ARL15: variants seen among roughly 807,000 people sequenced by gnomAD.
ARL15 encodes the protein ARF like GTPase 15, also known as ADP-ribosylation factor-like protein 15.
A neutral mutation model predicts 25.2 loss-of-function variants in ARL15; 19 were observed. The observed-to-expected ratio is 0.75, with a 90% CI of 0.53 to 1.10. The LOEUF (loss-of-function observed/expected upper bound fraction) is 1.10, where lower values mean the gene tolerates loss of function less well. ARL15 is among the 50% of genes least tolerant of loss of function. ARL15 has a pLI of 0.00. For missense variants in ARL15, 220 were observed against 246.0 expected (o/e 0.89, Z 0.71); for synonymous variants, 94 against 86.8 (o/e 1.08, Z -0.46).
At chr5:54,037,935 C>G (rs1295497960) in intron 4 of ARL15, among the ~76,000 whole-genome samples, 1 of 152,078 alleles carries the variant, frequency 6.6e-6, no homozygotes, top group Non-Finnish European at 1.5e-5. Context: ...CCTTTCATCA[C>G]AGTATTAGAT....
chr5:54,222,673 G>C (rs571721920), intron 1 of ARL15, among the ~76,000 whole-genome samples: 1 of 152,142 alleles, frequency 6.6e-6, no homozygotes. Context: ...TTCCACTCTC[G>C]GGTTCTCTTG....
chr5:53,913,711 A>G lies in ARL15; in HGVS notation c.463-26998T>C, dbSNP rs1580074164. On this transcript the variant is annotated intron_variant, in intron 4 of 4. Coordinates refer to ENST00000504924, the MANE Select transcript of ARL15 (RefSeq NM_019087.3). ...TCAGAATAGTACCTGGCACTATTCT[A>G]CTACTACTATGACCTCAACTAAATT... Among the ~76,000 whole-genome samples the G allele has an allele frequency of 2.0e-5, 3 of 152,310 alleles. No individual in the cohort carries two copies. The East Asian group carries it at 5.8e-4, about 29-fold the overall frequency.
At chr5:54,117,775 C>T (rs925786881) in intron 3 of ARL15, among the ~76,000 whole-genome samples, 1 of 152,122 alleles carries the variant, frequency 6.6e-6, no homozygotes, top group Non-Finnish European at 1.5e-5. Flanking sequence ...GTTTGATAGA[C>T]ATTTTCTCAA....
At chr5:54,157,148 A>G (rs1216835285) in intron 2 of ARL15, among the ~76,000 whole-genome samples, 1 of 152,226 alleles carries the variant, frequency 6.6e-6, no homozygotes, top group African/African-American at 2.4e-5. Flanking sequence ...CAACTTTGAA[A>G]AGGAAATGGT....
At chr5:54,001,267 C>T (rs986877896) in intron 4 of ARL15, among the ~76,000 whole-genome samples, 3 of 152,082 alleles carry the variant, frequency 2.0e-5, no homozygotes, top group Non-Finnish European at 4.4e-5. Context: ...TTATACACAC[C>T]TTTGAGGGGA....
intron 4 of ARL15, among the ~76,000 whole-genome samples, chr5:53,889,014 A>G (rs925232875): frequency 6.6e-6 from 1 of 152,206 alleles, no homozygotes; most frequent in Non-Finnish European, 1.5e-5. Context: ...TCCAAAATCT[A>G]GTACATAAAG....
intron 4 of ARL15, among the ~76,000 whole-genome samples, chr5:54,092,070 A>ACACACACACACACACACACACACACAC (rs746618758): frequency 1.3e-5 from 2 of 151,460 alleles, no homozygotes; most frequent in Non-Finnish European, 2.9e-5. Context: ...ACACACACAC[A>ACACACACACACACACACACACACACAC]CACCACCACC....
At chr5:54,119,283 T>C (rs1448213867) in intron 3 of ARL15, among the ~76,000 whole-genome samples, 2 of 152,172 alleles carry the variant, frequency 1.3e-5, no homozygotes, top group Admixed American at 6.6e-5. Context: ...AATGGGTTCA[T>C]TTGAGGAGTT....
chr5:54,091,074 C>T (rs1752113134), intron 4 of ARL15, among the ~76,000 whole-genome samples: 1 of 152,120 alleles, frequency 6.6e-6, no homozygotes, highest in Non-Finnish European at 1.5e-5. Flanking sequence ...TTTCACTTTT[C>T]TTCAATTATT....
At chr5:54,005,546 G>C (rs1189986276) in intron 4 of ARL15, among the ~76,000 whole-genome samples, 2 of 151,788 alleles carry the variant, frequency 1.3e-5, no homozygotes, top group Non-Finnish European at 2.9e-5. Flanking sequence ...CCTGGCCAAC[G>C]TGGTGAAACT....
chr5:53,888,822 A>G (rs1433900738), intron 4 of ARL15, among the ~76,000 whole-genome samples: 1 of 152,108 alleles, frequency 6.6e-6, no homozygotes, highest in Non-Finnish European at 1.5e-5. Flanking sequence ...GGCTAAGTCC[A>G]CCCTTAGAAG....
intron 1 of ARL15, among the ~76,000 whole-genome samples, chr5:54,271,988 G>A (rs180935145): frequency 1.3e-4 from 19 of 150,380 alleles, no homozygotes; most frequent in Non-Finnish European, 2.5e-4. Context: ...CTGTTGCTCC[G>A]GCTGGAATGC....
In ARL15 at chr5:54,294,899, A is replaced by G. The variant is rs192198450; in HGVS notation, c.48+15533T>C. Among the ~76,000 whole-genome samples, 1,437 of 152,344 alleles carry G rather than the reference A, an allele frequency of 9.4e-3. 13 individuals are homozygous for G. Among genetic ancestry groups the G allele is most frequent in the Non-Finnish European group, 0.016 (1,074 of 68,026 alleles). ...AAGCACTCTGGATTTGGGGAAATAGAAAAGAACTGCTTTAAGACAGATGAG... is the reference window on the plus strand; with the variant it reads ...AAGCACTCTGGATTTGGGGAAATAGGAAAGAACTGCTTTAAGACAGATGAG... On this transcript the variant is annotated intron_variant, in intron 1 of 4. Transcript: ENST00000504924.
At chr5:54,305,460 C>CA (rs762405118) in intron 1 of ARL15, among the ~76,000 whole-genome samples, 96 of 148,768 alleles carry the variant, frequency 6.5e-4, no homozygotes, top group African/African-American at 1.7e-3. Context: ...AACTCTGTCA[C>CA]AAAAAAAAAA....
At chr5:53,969,396 C>T (rs1747665808) in intron 4 of ARL15, among the ~76,000 whole-genome samples, 1 of 152,118 alleles carries the variant, frequency 6.6e-6, no homozygotes, top group Admixed American at 6.5e-5. Context: ...CAACTACTTT[C>T]CTCTTAATGT....
chr5:54,015,312 C>T lies in ARL15; in HGVS notation c.462+97890G>A, dbSNP rs551546420. 4.0e-5 allele frequency among the ~76,000 whole-genome samples: 6 copies of T among 148,518 alleles called. No homozygotes were observed. In the East Asian group the frequency reaches 1.2e-3, roughly 29 times the overall value. On this transcript the variant is annotated intron_variant, in intron 4 of 4. Transcript: ENST00000504924. ...CATCTCAAAAAAAAAAAAACAAAAA[C>T]AAAAACAAACAAACAAACAAACAAA...
intron 4 of ARL15, among the ~76,000 whole-genome samples, chr5:54,044,888 AT>A (rs1750458890): frequency 1.3e-5 from 2 of 152,284 alleles, no homozygotes; most frequent in South Asian, 4.1e-4. Flanking sequence ...GTGTAAGGCA[AT>A]TTTGGATTTA....
At chr5:54,047,053 G>T (rs1750544562) in intron 4 of ARL15, among the ~76,000 whole-genome samples, 2 of 152,322 alleles carry the variant, frequency 1.3e-5, no homozygotes, top group East Asian at 3.9e-4. Context: ...GGGTCAGTGA[G>T]TTGAAGAGAC....
rs13356599 is a variant in ARL15, at chr5:54,277,516, C to T, written c.48+32916G>A. Reference sequence around the variant, plus strand: ...CCTGTAATCCCAGCACTTTGGGAGGCCGAGGCGGGCGGATCACGAGGTCAG... The same window carrying T: ...CCTGTAATCCCAGCACTTTGGGAGGTCGAGGCGGGCGGATCACGAGGTCAG... On this transcript the variant is annotated intron_variant, in intron 1 of 4. Coordinates refer to ENST00000504924, the MANE Select transcript of ARL15 (RefSeq NM_019087.3). Among the ~76,000 whole-genome samples the T allele has an allele frequency of 4.0e-3, 602 of 152,276 alleles. 6 individuals carry two copies. The highest frequency in any genetic ancestry group is 0.014 in the African/African-American group (569 of 41,554).
Sources: gnomAD v4.1 joint callset for allele counts (sites outside exome capture counted in the v4.1 genomes callset) on GRCh38, gnomAD v4.1.1 for gene constraint, MANE v1.5 for transcripts, NCBI Gene and HGNC (gene_info 2026-07-23, HGNC 2026-07-21) for gene names.